IGSF21: variants seen among roughly 807,000 people sequenced by gnomAD.
IGSF21 encodes the protein immunoglobin superfamily member 21, also known as immunoglobulin superfamily member 21.
Under a neutral mutation model 46.8 loss-of-function variants are expected in IGSF21, and 28 were observed. The observed-to-expected ratio is 0.60, with a 90% CI of 0.44 to 0.82. The LOEUF (loss-of-function observed/expected upper bound fraction) is 0.82, where lower values mean the gene tolerates loss of function less well. IGSF21 is among the 40% of genes least tolerant of loss of function. The pLI is 0.00. For synonymous variants in IGSF21, 284 were observed against 273.6 expected (o/e 1.04, Z -0.38); for missense variants, 624 against 665.5 (o/e 0.94, Z 0.69).
chr1:18,162,736 C>A (rs980042670), intron 1 of IGSF21, among the ~76,000 whole-genome samples: 2 of 152,136 alleles, frequency 1.3e-5, no homozygotes, highest in South Asian at 2.1e-4. Flanking sequence ...AGGGACATAG[C>A]GTGGGGCCTG....
At chr1:18,271,218 C>A (rs1360391598) in intron 2 of IGSF21, among the ~76,000 whole-genome samples, 2 of 152,146 alleles carry the variant, frequency 1.3e-5, no homozygotes, top group Admixed American at 6.5e-5. Context: ...ACCATTCCAT[C>A]TCTGAGTGCC....
chr1:18,315,989 G>A (rs2085539576), intron 3 of IGSF21, among the ~76,000 whole-genome samples: 1 of 152,192 alleles, frequency 6.6e-6, no homozygotes, highest in African/African-American at 2.4e-5. Context: ...GTCATTTGGT[G>A]TTCTTTAGGT....
At chr1:18,349,190 C>G (rs2124618555) in intron 4 of IGSF21, among the ~76,000 whole-genome samples, 1 of 152,256 alleles carries the variant, frequency 6.6e-6, no homozygotes, top group South Asian at 2.1e-4. Flanking sequence ...GACCCCGTGA[C>G]TTAGGGAGTG....
chr1:18,142,894 A>G (rs1310992803), intron 1 of IGSF21, among the ~76,000 whole-genome samples: 1 of 152,162 alleles, frequency 6.6e-6, no homozygotes, highest in Non-Finnish European at 1.5e-5. Flanking sequence ...CCCAGTGGCC[A>G]TTGCCTGGCA....
rs1036669100 is a variant in IGSF21 at position 18,337,906 on chromosome 1, T to C, written c.424+2896T>C. Among the ~76,000 whole-genome samples, 6 of 152,170 alleles carry C rather than the reference T, an allele frequency of 3.9e-5. No homozygotes were observed. Among genetic ancestry groups the C allele is most frequent in the African/African-American group, 7.2e-5 (3 of 41,508 alleles). ...GGGAATGAATTTGCTCCAGGCCTTATAGGGTGGGGGTTATCTCTGTGCCAG... is the reference window on the plus strand; with the variant it reads ...GGGAATGAATTTGCTCCAGGCCTTACAGGGTGGGGGTTATCTCTGTGCCAG... On this transcript the variant is annotated intron_variant, in intron 4 of 9. Coordinates refer to ENST00000251296, the MANE Select transcript of IGSF21 (RefSeq NM_032880.5). This position sits in a 1 kb window ranked among gnomAD's most constrained non-coding sequence, Gnocchi z 5.7.
intron 3 of IGSF21, among the ~76,000 whole-genome samples, chr1:18,311,461 G>C (rs761002615): frequency 6.6e-6 from 1 of 152,184 alleles, no homozygotes; most frequent in Non-Finnish European, 1.5e-5. Context: ...GACAGTGAAG[G>C]CTGCAGGCTC....
intron 1 of IGSF21, among the ~76,000 whole-genome samples, chr1:18,125,127 C>G (rs1004891982): frequency 3.3e-5 from 5 of 152,138 alleles, no homozygotes; most frequent in Admixed American, 3.3e-4. Flanking sequence ...AGGCCCTGTC[C>G]CCCTGCCACA....
chr1:18,219,037 T>C (rs2084480930), intron 1 of IGSF21, among the ~76,000 whole-genome samples: 1 of 152,166 alleles, frequency 6.6e-6, no homozygotes, highest in Non-Finnish European at 1.5e-5. Context: ...CCACTCTGAA[T>C]AACAGAGAAA....
intron 2 of IGSF21, among the ~76,000 whole-genome samples, chr1:18,279,711 G>T (rs1364666646): frequency 6.6e-6 from 1 of 152,206 alleles, no homozygotes; most frequent in Admixed American, 6.5e-5. Context: ...TGATTCCCAG[G>T]AACAGCCGGC....
rs2085252060 is a variant in IGSF21, at chr1:18,290,190, C to G, written c.184-1676C>G. ...GGAGAATCCTCCTGTCCCCGTCCTCCTCATCTTCCTCCACTCTCATGGTCC... is the reference window on the plus strand; with the variant it reads ...GGAGAATCCTCCTGTCCCCGTCCTCGTCATCTTCCTCCACTCTCATGGTCC... On this transcript the variant is annotated intron_variant, in intron 2 of 9. Coordinates refer to ENST00000251296, the MANE Select transcript of IGSF21 (RefSeq NM_032880.5). This position sits in a 1 kb window ranked among gnomAD's most constrained non-coding sequence, Gnocchi z 4.2. Among the ~76,000 whole-genome samples, 1 of 152,180 alleles carries G rather than the reference C, an allele frequency of 6.6e-6. No homozygotes were observed. The highest frequency in any genetic ancestry group is 2.1e-4 in the South Asian group (1 of 4,832).
chr1:18,291,808 A>G lies in IGSF21; in HGVS notation c.184-58A>G, dbSNP rs964719343. The G allele has an allele frequency of 8.8e-6, 14 of 1,595,586 alleles. No homozygotes were observed. In the African/African-American group the frequency reaches 1.6e-4, roughly 18 times the overall value. On this transcript the variant is annotated intron_variant, in intron 2 of 9. Transcript: ENST00000251296. ...TGCATCTTGTCAGTGTCCTGGGGAA[A>G]GGGGTGACCAGGGCCGGTTGAGCAC...
rs1055619184 is a variant in IGSF21, at chr1:18,335,898, A to G, written c.424+888A>G. On this transcript the variant is annotated intron_variant, in intron 4 of 9. Transcript: ENST00000251296. This position sits in a 1 kb window ranked among gnomAD's most constrained non-coding sequence, Gnocchi z 4.8. ...GTTCTGGCTTCCCGATGGAGCCACA[A>G]TGCAGGAGGTGGCATTGCCAGGAAA... Among the ~76,000 whole-genome samples, 4 of 152,154 alleles carry G rather than the reference A, an allele frequency of 2.6e-5. No homozygotes were observed. The highest frequency in any genetic ancestry group is 1.9e-4 in the East Asian group (1 of 5,188).
At chr1:18,208,548 A>ATTTTTTTTTT (rs10601446) in intron 1 of IGSF21, among the ~76,000 whole-genome samples, 6 of 85,852 alleles carry the variant, frequency 7.0e-5, no homozygotes, top group African/African-American at 1.8e-4. Flanking sequence ...AGCCCAGCTA[A>ATTTTTTTTTT]TTTTTTTTTT....
chr1:18,217,855 T>C (rs1042420810), intron 1 of IGSF21, among the ~76,000 whole-genome samples: 1 of 152,180 alleles, frequency 6.6e-6, no homozygotes, highest in African/African-American at 2.4e-5. Context: ...TGAGCCTCAG[T>C]CTCCTCACCT....
intron 3 of IGSF21, among the ~76,000 whole-genome samples, chr1:18,319,295 C>T (rs1026699062): frequency 5.3e-5 from 8 of 152,224 alleles, no homozygotes; most frequent in African/African-American, 1.9e-4. Context: ...GGACACACCC[C>T]CTCCTATAAG....
chr1:18,256,000 G>A (rs942481419), intron 2 of IGSF21, among the ~76,000 whole-genome samples: 2 of 152,172 alleles, frequency 1.3e-5, no homozygotes, highest in Admixed American at 6.5e-5. Context: ...CCTCAGGATG[G>A]AGTGCAGCTC....
rs144204601 is a variant in IGSF21 at position 18,199,418 on chromosome 1, C to T, written c.71-28480C>T. Among the ~76,000 whole-genome samples the T allele has an allele frequency of 7.4e-3, 1,127 of 152,298 alleles. 9 individuals carry two copies. The highest frequency in any genetic ancestry group is 0.012 in the Non-Finnish European group (798 of 68,026). On this transcript the variant is annotated intron_variant, in intron 1 of 9. Transcript: ENST00000251296. ...TCCTCAGATATCCCCATTACAACAA[C>T]GGCTACTGTGATTTGACTGCTGTTG...
At chr1:18,118,280 T>C (rs933135215) in intron 1 of IGSF21, among the ~76,000 whole-genome samples, 4 of 152,214 alleles carry the variant, frequency 2.6e-5, no homozygotes, top group African/African-American at 9.6e-5. Context: ...TCCTCCTTTT[T>C]TCCCTAACGC....
At chr1:18,356,181 C>T (rs1338134292) in intron 4 of IGSF21, among the ~76,000 whole-genome samples, 1 of 152,176 alleles carries the variant, frequency 6.6e-6, no homozygotes, top group East Asian at 1.9e-4. Flanking sequence ...GTTTATTCTT[C>T]CCCAAGCAAA....
Sources: gnomAD v4.1 joint callset for allele counts (sites outside exome capture counted in the v4.1 genomes callset) on GRCh38, gnomAD v4.1.1 for gene constraint, Gnocchi (gnomAD v3.1) non-coding constraint, MANE v1.5 for transcripts, NCBI Gene and HGNC (gene_info 2026-07-23, HGNC 2026-07-21) for gene names.